FAM53A: variants seen among roughly 807,000 people sequenced by gnomAD.
FAM53A encodes family with sequence similarity 53 member A, also known as protein FAM53A.
Under a neutral mutation model 26.6 loss-of-function variants are expected in FAM53A, and 28 were observed. The ratio of observed to expected loss-of-function variants is 1.05; its 90% confidence interval spans 0.78 to 1.45. The LOEUF (loss-of-function observed/expected upper bound fraction) is 1.45. FAM53A is among the 40% of genes most tolerant of loss of function. The pLI is 0.00. For missense variants in FAM53A, 650 were observed against 575.8 expected (o/e 1.13, Z -1.32); for synonymous variants, 290 against 253.1 (o/e 1.15, Z -1.38).
At chr4:1,670,406 C>A (rs997351697) in intron 1 of FAM53A, among the ~76,000 whole-genome samples, 2 of 152,236 alleles carry the variant, frequency 1.3e-5, no homozygotes, top group Non-Finnish European at 1.5e-5. Flanking sequence ...TGGCTCAGAG[C>A]CTTCCCGTCA....
Position 1,668,711 on chromosome 4 carries a change from T to C in FAM53A, c.31A>G (p.Ser11Gly). The change falls in exon 2 of 5, where the codon AGC (serine) becomes GGC (glycine). Residue 11 changes from serine to glycine, a missense_variant. Coordinates refer to ENST00000308132, the MANE Select transcript of FAM53A (RefSeq NM_001174070.3). MVTLITEKLQ[S>G]QSLDDLTCKA... is the part of the protein sequence containing the mutation. ...CAGGTGAGGTCGTCCAGGCTCTGGC[T>C]CTGCAGCTTCTCAGTGATGAGTGTG... 1 of 1,614,178 alleles carries C rather than the reference T, an allele frequency of 6.2e-7. No homozygotes were observed. The highest frequency in any genetic ancestry group is 8.5e-7 in the Non-Finnish European group (1 of 1,180,024).
chr4:1,643,892 T>C (rs1711988684), intron 4 of FAM53A, among the ~76,000 whole-genome samples: 1 of 152,192 alleles, frequency 6.6e-6, no homozygotes, highest in African/African-American at 2.4e-5. Flanking sequence ...AAGATACAAC[T>C]GGCCACATGT....
At chr4:1,585,217 TTAA>T in the FAM53A span, among the ~76,000 whole-genome samples, 3 of 151,936 alleles carry the variant, frequency 2.0e-5, no homozygotes, top group Non-Finnish European at 2.9e-5. Context: ...TTCCAATCTA[TTAA>T]TAACTGAAAT....
chr4:1,606,792 G>A, the FAM53A span, among the ~76,000 whole-genome samples: 1 of 152,216 alleles, frequency 6.6e-6, no homozygotes, highest in Admixed American at 6.5e-5. Flanking sequence ...AGCTGTCGGG[G>A]AAAGCGCTGC....
Position 1,641,429 on chromosome 4 carries a change from G to A in FAM53A, c.1061C>T (p.Ala354Val). The A allele has an allele frequency of 6.2e-7, 1 of 1,613,232 alleles. No individual in the cohort carries two copies. Among genetic ancestry groups the A allele is most frequent in the South Asian group, 1.1e-5 (1 of 91,014 alleles). ...ATCACTGGTCACCGACTCCCTAGAG[G>A]CCCACAGGTTGGGGTGGACAGGGCT... ...RTSPVHPNLWASRESVTSDGS... is the reference protein window; with the variant it reads ...RTSPVHPNLWVSRESVTSDGS... Residue 354 changes from alanine to valine, a missense_variant, in exon 5 of 5, where the codon GCC becomes GTC. Ala to Val is a moderately conservative substitution (Grantham distance 64). Transcript: ENST00000308132.
the FAM53A span, among the ~76,000 whole-genome samples, chr4:1,580,698 C>T: frequency 7.0e-6 from 1 of 143,540 alleles, no homozygotes; most frequent in Non-Finnish European, 1.5e-5. Context: ...GCCTCCCGCT[C>T]AGGGACCCGC....
chr4:1,577,966 G>T, the FAM53A span, among the ~76,000 whole-genome samples: 1 of 152,066 alleles, frequency 6.6e-6, no homozygotes, highest in Admixed American at 6.5e-5. Flanking sequence ...GGTGCTGCCC[G>T]GGGATGCTCT....
At position 1,624,175 on chromosome 4, in the gene FAM53A, G is replaced by A. The variant is rs115828378; in HGVS notation, c.432-6064C>T. ...CAGGGAGGGCTGGCATTGTGGGCAT[G>A]GGCATGGGCCACGACTGGCTCAGGT... On this transcript the variant is annotated intron_variant, in intron 1 of 1. Transcript: ENST00000489029. Among the ~76,000 whole-genome samples, 769 of 152,372 alleles carry A rather than the reference G, an allele frequency of 5.0e-3. 6 individuals are homozygous for A. The highest frequency in any genetic ancestry group is 0.018 in the African/African-American group (730 of 41,602).
intron 1 of FAM53A, among the ~76,000 whole-genome samples, chr4:1,624,320 G>A (rs542610532): frequency 6.6e-6 from 1 of 152,324 alleles, no homozygotes; most frequent in East Asian, 1.9e-4. Context: ...CCCAGGTCAG[G>A]CGCTGTGTCA....
At chr4:1,636,705 G>T (rs887952731), downstream of FAM53A, among the ~76,000 whole-genome samples, 1 of 152,258 alleles carries the variant, frequency 6.6e-6, no homozygotes, top group Non-Finnish European at 1.5e-5. Flanking sequence ...TGTCAGAGGA[G>T]AAAGTGCGTG....
intron 1 of FAM53A, among the ~76,000 whole-genome samples, chr4:1,626,141 T>C (rs1348896084): frequency 6.6e-6 from 1 of 152,126 alleles, no homozygotes; most frequent in East Asian, 1.9e-4. Context: ...ATGACCCTGG[T>C]GCATAGGGCT....
the FAM53A span, among the ~76,000 whole-genome samples, chr4:1,598,998 G>A: frequency 1.3e-4 from 20 of 152,382 alleles, no homozygotes; most frequent in East Asian, 2.7e-3. Context: ...GCAGGGGTGC[G>A]TGCGGGTGCA....
At chr4:1,584,394 T>C in the FAM53A span, among the ~76,000 whole-genome samples, 1 of 152,256 alleles carries the variant, frequency 6.6e-6, no homozygotes, top group Non-Finnish European at 1.5e-5. Context: ...CCATTTTCCA[T>C]AAAGTGAGGC....
chr4:1,668,651 A>G lies in FAM53A; in HGVS notation c.75+16T>C. ...GGGGAGGGGCACCCAGCCTGGTGCC[A>G]CCTGCAGCTGCTTACCGGGCCAGCC... On this transcript the variant is annotated intron_variant, in intron 2 of 4. Coordinates refer to ENST00000308132, the MANE Select transcript of FAM53A (RefSeq NM_001174070.3). The G allele has an allele frequency of 1.3e-5, 21 of 1,613,860 alleles. No homozygotes were observed. The highest frequency in any genetic ancestry group is 1.8e-5 in the Non-Finnish European group (21 of 1,179,960).
At chr4:1,588,326 G>A in the FAM53A span, among the ~76,000 whole-genome samples, 1 of 152,334 alleles carries the variant, frequency 6.6e-6, no homozygotes, top group East Asian at 1.9e-4. Context: ...AGATTCTTCA[G>A]TGCCCTTCCC....
In FAM53A at chr4:1,655,266, G is replaced by C. The variant is rs958500283; in HGVS notation, c.594C>G (p.Ser198Arg). The C allele has an allele frequency of 9.0e-6, 13 of 1,440,308 alleles. No homozygotes were observed. Among genetic ancestry groups the C allele is most frequent in the Non-Finnish European group, 1.2e-5 (13 of 1,104,702 alleles). 89.2% of individuals were successfully genotyped at this position (1,440,308 alleles called of 1,614,324 possible). The stretch of plus-strand genomic sequence containing the variant: ...GCGGGCCTGAGCCCGCACTGCCCTC[G>C]CTGCTGTCCACGAAGCCGCCGCTGG... ...SSASGGFVDS[S>R]EGSAGSGPLW... Residue 198 changes from serine (S) to arginine (R), a missense_variant, in exon 4 of 5, where the codon AGC (serine) becomes AGG (arginine). Coordinates refer to ENST00000308132, the MANE Select transcript of FAM53A (RefSeq NM_001174070.3).
At position 1,653,479 on chromosome 4, in the gene FAM53A, C is replaced by T. The variant is rs77935419; in HGVS notation, c.882+1499G>A. On this transcript the variant is annotated intron_variant, in intron 4 of 4. Coordinates refer to ENST00000308132, the MANE Select transcript of FAM53A (RefSeq NM_001174070.3). ...TGAGCCGGCAGCTCCCTCCTCTGCT[C>T]CCATCCCTCCTGGTCCCCGTGGGGC... Among the ~76,000 whole-genome samples, 1,118 of 152,278 alleles carry T rather than the reference C, an allele frequency of 7.3e-3. 11 individuals are homozygous for T. The highest frequency in any genetic ancestry group is 0.024 in the African/African-American group (1,013 of 41,552).
chr4:1,668,027 C>T (rs1401638080), intron 2 of FAM53A, among the ~76,000 whole-genome samples: 6 of 152,164 alleles, frequency 3.9e-5, no homozygotes, highest in Non-Finnish European at 8.8e-5. Flanking sequence ...GGGAGCCTGG[C>T]GGGGTGCAGT....
intron 2 of FAM53A, among the ~76,000 whole-genome samples, chr4:1,660,622 C>T (rs1239980003): frequency 6.6e-6 from 1 of 152,032 alleles, no homozygotes; most frequent in East Asian, 1.9e-4. Context: ...GGCACGGTGG[C>T]TCACGCCTGT....
Sources: allele counts gnomAD v4.1 joint callset (sites outside exome capture counted in the v4.1 genomes callset), GRCh38; gene constraint gnomAD v4.1.1; transcripts MANE v1.5; gene names NCBI Gene and HGNC (gene_info 2026-07-23, HGNC 2026-07-21).